Variants in TSPAN11 observed in about 807,000 individuals in gnomAD.
TSPAN11 encodes the protein tetraspanin 11.
Under a neutral mutation model 32.9 loss-of-function variants are expected in TSPAN11, and 29 were observed. The observed-to-expected ratio is 0.88, with a 90% CI of 0.66 to 1.20. TSPAN11 has a LOEUF of 1.20. TSPAN11 is among the 50% of genes most tolerant of loss of function. TSPAN11 has a pLI of 0.00. For synonymous variants in TSPAN11, 140 were observed against 141.3 expected (o/e 0.99, Z 0.07); for missense variants, 283 against 329.1 (o/e 0.86, Z 1.08).
intron 2 of TSPAN11, among the ~76,000 whole-genome samples, chr12:30,958,696 C>T (rs1016817506): frequency 1.3e-5 from 2 of 152,156 alleles, no homozygotes; most frequent in African/African-American, 2.4e-5. Context: ...GACCCATTCA[C>T]TTCTCCGTCA....
At chr12:30,962,007 T>C (rs1316042203) in intron 2 of TSPAN11, among the ~76,000 whole-genome samples, 1 of 152,108 alleles carries the variant, frequency 6.6e-6, no homozygotes, top group Non-Finnish European at 1.5e-5. Context: ...TAGGATTTCA[T>C]TGAATCTAAG....
chr12:30,938,653 G>A (rs1014910324), intron 1 of TSPAN11, among the ~76,000 whole-genome samples: 3 of 152,130 alleles, frequency 2.0e-5, no homozygotes, highest in African/African-American at 7.2e-5. Context: ...GCACCCTGGG[G>A]TCTTGGACCT....
At chr12:30,977,887 C>T (rs1369517932) in intron 3 of TSPAN11, among the ~76,000 whole-genome samples, 1 of 152,176 alleles carries the variant, frequency 6.6e-6, no homozygotes, top group Non-Finnish European at 1.5e-5. Flanking sequence ...AAATGGGCAT[C>T]AGGGCTGAAA....
downstream of TSPAN11, among the ~76,000 whole-genome samples, chr12:31,001,443 T>A (rs1434690106): frequency 1.3e-5 from 2 of 152,194 alleles, no homozygotes; most frequent in African/African-American, 4.8e-5. Context: ...TCATCAGCAT[T>A]GACCTGCAAT....
chr12:30,930,146 G>C (rs1439049765), intron 1 of TSPAN11, among the ~76,000 whole-genome samples: 1 of 152,128 alleles, frequency 6.6e-6, no homozygotes, highest in African/African-American at 2.4e-5. Flanking sequence ...TGGGCTCATA[G>C]GTTTATACTC....
the TSPAN11 span, among the ~76,000 whole-genome samples, chr12:31,004,329 T>C: frequency 6.6e-6 from 1 of 152,192 alleles, no homozygotes; most frequent in Non-Finnish European, 1.5e-5. Context: ...CCTGGGGCTA[T>C]GGTAGTCTAG....
intron 3 of TSPAN11, among the ~76,000 whole-genome samples, chr12:30,965,051 G>A (rs192340345): frequency 6.6e-6 from 1 of 152,188 alleles, no homozygotes; most frequent in Admixed American, 6.5e-5. Context: ...TGAGAGCCAC[G>A]TAGCACATCC....
At chr12:30,951,507 A>G (rs1291213827) in intron 1 of TSPAN11, among the ~76,000 whole-genome samples, 1 of 152,148 alleles carries the variant, frequency 6.6e-6, no homozygotes, top group African/African-American at 2.4e-5. Context: ...TTTGTCATGT[A>G]CTTGCTATGT....
rs1043803577 is a variant in TSPAN11, at chr12:30,996,159, C to T, written c.*4244C>T. 2.0e-5 allele frequency: 3 copies of T among 152,288 alleles called. No homozygotes were observed. The highest frequency in any genetic ancestry group is 7.2e-5 in the African/African-American group (3 of 41,452). 9.4% of individuals were successfully genotyped at this position (152,288 alleles called of 1,614,324 possible). A position where few individuals can be genotyped will look rare whatever the true frequency, so the allele number is the denominator to read the frequency against. ...CTTCCCTGGAGGACTCTTGGATCGC[C>T]TGTGATCTTGGCCAGGAGACCAGGT... On this transcript the variant is annotated 3_prime_UTR_variant, in exon 8 of 8. Transcript: ENST00000546076.
In TSPAN11 at chr12:30,975,001, A is replaced by C. The variant is rs1394517874; in HGVS notation, c.277-3560A>C. On this transcript the variant is annotated intron_variant, in intron 3 of 7. Coordinates refer to ENST00000546076, the MANE Select transcript of TSPAN11 (RefSeq NM_001370302.1). The surrounding 1 kb of genome is among the most constrained non-coding windows in gnomAD (Gnocchi z 4.5). ...AAGACTGAGCCGAGCTGGGTGTGGA[A>C]GGACAGGTAGGCACCAGCATTCCAG... Among the ~76,000 whole-genome samples the C allele has an allele frequency of 3.3e-5, 5 of 152,232 alleles. No homozygotes were observed. Among genetic ancestry groups the C allele is most frequent in the Non-Finnish European group, 7.3e-5 (5 of 68,040 alleles).
At chr12:30,989,764 C>T (rs1253461025) in intron 7 of TSPAN11, among the ~76,000 whole-genome samples, 1 of 152,234 alleles carries the variant, frequency 6.6e-6, no homozygotes, top group Admixed American at 6.5e-5. Flanking sequence ...TTCTCAGAAG[C>T]TCTGTGGCCC....
Position 30,992,014 on chromosome 12 carries a change from T to C in TSPAN11, c.*99T>C. 1.5e-6 allele frequency: 2 copies of C among 1,332,522 alleles called. No homozygotes were observed. The highest frequency in any genetic ancestry group is 1.8e-4 in the Middle Eastern group (1 of 5,504). The allele number at this position is 1,332,522 out of a possible 1,614,324, so 82.5% of individuals were successfully genotyped here. The stretch of plus-strand genomic sequence containing the variant: ...GTTAGCACCAGCTCCACTAGGGCCA[T>C]AGATGCCCCCTCCTTTGTGCCTAGC... On this transcript the variant is annotated 3_prime_UTR_variant, in exon 8 of 8. Coordinates refer to ENST00000546076, the MANE Select transcript of TSPAN11 (RefSeq NM_001370302.1).
At chr12:30,940,947 G>A (rs1181688775) in intron 1 of TSPAN11, among the ~76,000 whole-genome samples, 1 of 152,148 alleles carries the variant, frequency 6.6e-6, no homozygotes, top group Non-Finnish European at 1.5e-5. Flanking sequence ...CTCCTTGTGA[G>A]AATTTAATGC....
intron 1 of TSPAN11, 34 bp downstream of exon 1, chr12:30,926,830 G>T (rs1217914189): frequency 2.5e-6 from 2 of 793,782 alleles, no homozygotes; most frequent in African/African-American, 3.8e-5. Flanking sequence ...GAGTGGGGGC[G>T]CCGCGGGAGG....
rs1938671850 is a variant in TSPAN11, at chr12:30,963,929, T to C, written c.188T>C (p.Ile63Thr). Residue 63 changes from isoleucine (I) to threonine (T), a missense_variant, in exon 3 of 8, where the codon ATC (isoleucine) becomes ACC (threonine). Coordinates refer to ENST00000546076, the MANE Select transcript of TSPAN11 (RefSeq NM_001370302.1). Reference sequence around the variant, plus strand: ...AGCACCTTTGCCGCCTCCGCCTACATCCTCATCTTTGCGGGCGTACTTGTC... The same window carrying C: ...AGCACCTTTGCCGCCTCCGCCTACACCCTCATCTTTGCGGGCGTACTTGTC... Reference protein sequence around the residue: ...ASSTFAASAYILIFAGVLVMV... With the variant: ...ASSTFAASAYTLIFAGVLVMV... 1 of 1,613,984 alleles carries C rather than the reference T, an allele frequency of 6.2e-7. No homozygotes were observed. Among genetic ancestry groups the C allele is most frequent in the Admixed American group, 1.7e-5 (1 of 60,028 alleles).
intron 3 of TSPAN11, chr12:30,978,230 A>G (rs1939014085): frequency 3.4e-6 from 1 of 292,930 alleles, no homozygotes; most frequent in Admixed American, 4.5e-5. Context: ...TTTGTAACAC[A>G]GCATTGCAGT....
intron 3 of TSPAN11, among the ~76,000 whole-genome samples, chr12:30,978,066 C>T (rs1297336310): frequency 1.3e-5 from 2 of 152,298 alleles, no homozygotes; most frequent in Admixed American, 6.5e-5. Context: ...TTGTTCTCCC[C>T]TCTTCCTGGA....
At chr12:31,002,608 C>T in the TSPAN11 span, among the ~76,000 whole-genome samples, 2 of 152,134 alleles carry the variant, frequency 1.3e-5, no homozygotes, top group South Asian at 4.1e-4. The surrounding 1 kb of genome is among the most constrained non-coding windows in gnomAD (Gnocchi z 4.8). Context: ...TGCCTCACTG[C>T]AGCAGAGGGG....
At chr12:30,976,385 G>A (rs576818040) in intron 3 of TSPAN11, among the ~76,000 whole-genome samples, 3 of 152,268 alleles carry the variant, frequency 2.0e-5, no homozygotes, top group Admixed American at 1.3e-4. Flanking sequence ...TTGCACCTAA[G>A]CACTAGCAGC....
Sources: gnomAD v4.1 joint callset for allele counts (sites outside exome capture counted in the v4.1 genomes callset) on GRCh38, gnomAD v4.1.1 for gene constraint, Gnocchi (gnomAD v3.1) non-coding constraint, MANE v1.5 for transcripts, NCBI Gene and HGNC (gene_info 2026-07-23, HGNC 2026-07-21) for gene names.